The following ULK4 variants were observed in gnomAD, a reference collection of about 807,000 sequenced individuals.
ULK4 encodes the protein unc-51 like kinase 4.
Under a neutral mutation model 160.6 loss-of-function variants are expected in ULK4, and 133 were observed. That is an observed-to-expected ratio of 0.83 (90% CI 0.72 to 0.96). The LOEUF (loss-of-function observed/expected upper bound fraction) is 0.96, where lower values mean the gene tolerates loss of function less well. Among genes scored for constraint, ULK4 ranks in the 40% least tolerant of loss-of-function variants. The probability of loss-of-function intolerance (pLI) is 0.00; values close to 1 mark genes in which losing one functional copy is unlikely to be tolerated. For missense variants in ULK4, 1,580 were observed against 1,499.5 expected (o/e 1.05, Z -0.89); for synonymous variants, 534 against 539.8 (o/e 0.99, Z 0.15).
rs75199974 is a variant in ULK4 at position 41,634,479 on chromosome 3, A to G, written c.3072-18762T>C. Among the ~76,000 whole-genome samples, 546 of 152,334 alleles carry G rather than the reference A, an allele frequency of 3.6e-3. 4 individuals are homozygous for G. The East Asian group carries it at 0.041, about 11-fold the overall frequency. On this transcript the variant is annotated intron_variant, in intron 30 of 36. Transcript: ENST00000301831. ...GGGCAGCCCTCCATCCCTGGGTCAC[A>G]TGAGGCAGGAATGGCGTCAGACAGA...
chr3:41,381,086 A>G (rs1026941505), intron 35 of ULK4, among the ~76,000 whole-genome samples: 1 of 152,096 alleles, frequency 6.6e-6, no homozygotes, highest in Non-Finnish European at 1.5e-5. Context: ...TACCTGTGGC[A>G]GTTATCTGTG....
chr3:41,680,994 A>G (rs1194485548), intron 29 of ULK4, among the ~76,000 whole-genome samples: 1 of 152,218 alleles, frequency 6.6e-6, no homozygotes, highest in Non-Finnish European at 1.5e-5. Flanking sequence ...TTTATGAGCA[A>G]TGAAGTAAAA....
chr3:41,737,056 C>A (rs1411575640), intron 22 of ULK4, among the ~76,000 whole-genome samples: 1 of 151,944 alleles, frequency 6.6e-6, no homozygotes, highest in East Asian at 1.9e-4. Flanking sequence ...GTCTACATCT[C>A]TGTTTTGGTA....
intron 30 of ULK4, among the ~76,000 whole-genome samples, chr3:41,661,989 A>G (rs1436387943): frequency 6.6e-6 from 1 of 152,218 alleles, no homozygotes; most frequent in East Asian, 1.9e-4. Flanking sequence ...GGAATGAGCC[A>G]AAGTTACATT....
At chr3:41,731,104 G>A (rs2037806748) in intron 22 of ULK4, among the ~76,000 whole-genome samples, 1 of 151,434 alleles carries the variant, frequency 6.6e-6, no homozygotes, top group Non-Finnish European at 1.5e-5. Flanking sequence ...AAAATAAATG[G>A]AAAGCTTTTC....
At chr3:41,770,263 A>G (rs1429854411) in intron 21 of ULK4, among the ~76,000 whole-genome samples, 5 of 152,202 alleles carry the variant, frequency 3.3e-5, no homozygotes, top group Admixed American at 3.3e-4. Flanking sequence ...CTTCCAAATT[A>G]TACAGAGATC....
chr3:41,413,148 G>T (rs1403278400), intron 34 of ULK4, among the ~76,000 whole-genome samples: 1 of 152,108 alleles, frequency 6.6e-6, no homozygotes, highest in Non-Finnish European at 1.5e-5. Flanking sequence ...CGTGAAAGGG[G>T]TTTCCCCTTA....
chr3:41,851,395 G>A (rs1435123587), intron 17 of ULK4, among the ~76,000 whole-genome samples: 4 of 152,288 alleles, frequency 2.6e-5, no homozygotes, highest in African/African-American at 7.2e-5. Flanking sequence ...ATTTGCGTAT[G>A]TTGAACCAGC....
chr3:41,449,803 TA>T (rs2083385755), intron 34 of ULK4, among the ~76,000 whole-genome samples: 1 of 151,132 alleles, frequency 6.6e-6, no homozygotes, highest in Admixed American at 6.6e-5. Flanking sequence ...TACTTTTTTT[TA>T]AAACTGGCAC....
intron 32 of ULK4, among the ~76,000 whole-genome samples, chr3:41,475,804 C>T (rs1052057796): frequency 6.6e-6 from 1 of 152,008 alleles, no homozygotes; most frequent in Admixed American, 6.6e-5. Context: ...TCCCACATAC[C>T]ATGTAAGTGT....
intron 21 of ULK4, among the ~76,000 whole-genome samples, chr3:41,770,006 T>A (rs1185089723): frequency 6.6e-6 from 1 of 152,216 alleles, no homozygotes; most frequent in Non-Finnish European, 1.5e-5. Flanking sequence ...AGGTAATGAT[T>A]AAATCTAAAA....
rs562992733 is a variant in ULK4 at position 41,666,613 on chromosome 3, A to C, written c.2979-2914T>G. On this transcript the variant is annotated intron_variant, in intron 29 of 36. Coordinates refer to ENST00000301831, the MANE Select transcript of ULK4 (RefSeq NM_017886.4). ...GATGAGTCCTTCGTGTACCCTGGAT[A>C]ACCAGCTCTCCTTGTTCCCACTCCA... Among the ~76,000 whole-genome samples, 3 of 152,330 alleles carry C rather than the reference A, an allele frequency of 2.0e-5. No individual in the cohort carries two copies. The South Asian group carries it at 6.2e-4, about 32-fold the overall frequency.
chr3:41,752,234 C>T lies in ULK4; in HGVS notation c.2321+2127G>A, dbSNP rs192770253. On this transcript the variant is annotated intron_variant, in intron 22 of 36. Coordinates refer to ENST00000301831, the MANE Select transcript of ULK4 (RefSeq NM_017886.4). ...TTGTTTTTCTCTTTTCTTGCCCTAA[C>T]TCTATATGGTAGAACTGTTGAGAAG... 7.9e-5 allele frequency among the ~76,000 whole-genome samples: 12 copies of T among 152,184 alleles called. No individual in the cohort carries two copies. In the East Asian group the frequency reaches 2.3e-3, roughly 29 times the overall value.
At chr3:41,847,792 T>G (rs2042106611) in intron 17 of ULK4, among the ~76,000 whole-genome samples, 1 of 152,208 alleles carries the variant, frequency 6.6e-6, no homozygotes, top group Non-Finnish European at 1.5e-5. Flanking sequence ...ATGCTGTGTA[T>G]TTGATTAAGC....
intron 22 of ULK4, among the ~76,000 whole-genome samples, chr3:41,720,605 G>C (rs2037415350): frequency 6.6e-6 from 1 of 151,856 alleles, no homozygotes; most frequent in Non-Finnish European, 1.5e-5. Flanking sequence ...AGGACTAAGA[G>C]AAGGCAGTAC....
At chr3:41,685,135 C>T (rs993308075) in intron 27 of ULK4, among the ~76,000 whole-genome samples, 6 of 152,216 alleles carry the variant, frequency 3.9e-5, no homozygotes, top group Non-Finnish European at 8.8e-5. Flanking sequence ...TGAACAACTT[C>T]TGACTTCCTG....
At chr3:41,506,403 T>G (rs911272268) in intron 32 of ULK4, among the ~76,000 whole-genome samples, 1 of 151,278 alleles carries the variant, frequency 6.6e-6, no homozygotes, top group African/African-American at 2.4e-5. Flanking sequence ...TGTGGAAATA[T>G]AGGAATCTAC....
rs549345465 is a variant in ULK4, at chr3:41,870,458, T to A, written c.1656+13416A>T. Among the ~76,000 whole-genome samples the A allele has an allele frequency of 2.0e-4, 30 of 152,314 alleles. No homozygotes were observed. The South Asian group carries it at 5.0e-3, about 25-fold the overall frequency. On this transcript the variant is annotated intron_variant, in intron 17 of 36. Coordinates refer to ENST00000301831, the MANE Select transcript of ULK4 (RefSeq NM_017886.4). ...TCTATTAAACAGACCTATAATTCACTGATTCTGTCTTCTATTATGTTCTGA... is the reference window on the plus strand; with the variant it reads ...TCTATTAAACAGACCTATAATTCACAGATTCTGTCTTCTATTATGTTCTGA...
At chr3:41,488,178 A>G (rs9818224) in intron 32 of ULK4, among the ~76,000 whole-genome samples, 62,299 of 152,112 alleles carry the variant, frequency 0.41, 12,941 homozygotes, top group African/African-American at 0.43. Context: ...TTTAGTTTCT[A>G]GCATATATAT....
Sources: gnomAD v4.1 joint callset for allele counts (sites outside exome capture counted in the v4.1 genomes callset) on GRCh38, gnomAD v4.1.1 for gene constraint, MANE v1.5 for transcripts, NCBI Gene and HGNC (gene_info 2026-07-23, HGNC 2026-07-21) for gene names.